TSPAN10: variants seen among roughly 807,000 people sequenced by gnomAD.
The protein encoded by TSPAN10 is tetraspanin-10.
TSPAN10 carries 11 observed loss-of-function variants against 15.0 expected under a neutral mutation model. That is an observed-to-expected ratio of 0.73 (90% confidence interval 0.46 to 1.21). The LOEUF (loss-of-function observed/expected upper bound fraction) is 1.21. Among genes scored for constraint, TSPAN10 ranks in the 50% most tolerant of loss-of-function variants. The pLI is 0.00. For synonymous variants in TSPAN10, 241 were observed against 226.2 expected, an observed-to-expected ratio of 1.07 and a Z score of -0.59; for missense variants, 486 against 470.6, an observed-to-expected ratio of 1.03 and a Z score of -0.30.
At chr17:81,645,514 C>T (rs1436927952) in exon 2 of TSPAN10, 5 of 1,588,880 alleles carry the variant, frequency 3.1e-6, no homozygotes, top group Middle Eastern at 1.7e-4. Flanking sequence ...GCACACCCTG[C>T]GTGTGGCCAT....
upstream of TSPAN10, among the ~76,000 whole-genome samples, chr17:81,641,750 T>C (rs55917554): frequency 0.5 from 76,286 of 151,548 alleles, 21,065 homozygotes; most frequent in East Asian, 0.99. Flanking sequence ...ACCCTGTCTC[T>C]ACAAAAAAAA....
chr17:81,642,422 G>T (rs778206400), exon 1 of TSPAN10: 9 of 1,613,292 alleles, frequency 5.6e-6, no homozygotes, highest in Non-Finnish European at 5.9e-6. Flanking sequence ...GATGGAGGAG[G>T]GGGAGAGGAG....
At chr17:81,647,709 C>T (rs1598712716) in intron 2 of TSPAN10, 192 bp from the exon 4 acceptor site, 1 of 655,884 alleles carries the variant, frequency 1.5e-6, no homozygotes, top group Non-Finnish European at 2.7e-6. Flanking sequence ...CACAGGGATA[C>T]GTTATAGAGA....
downstream of TSPAN10, chr17:81,648,623 G>A (rs191707437): frequency 3.5e-5 from 8 of 228,052 alleles, no homozygotes; most frequent in East Asian, 8.8e-5. Context: ...CCCTGGGGCC[G>A]CCACCCCTTC....
exon 3 of TSPAN10, chr17:81,648,146 C>T (rs2036284594): frequency 2.7e-6 from 4 of 1,503,048 alleles, no homozygotes; most frequent in Non-Finnish European, 1.8e-6. Context: ...CTGCAGGGCG[C>T]GGAGCTCCTG....
At chr17:81,645,336 A>G (rs1465294106) in exon 2 of TSPAN10, 2 of 1,566,256 alleles carry the variant, frequency 1.3e-6, no homozygotes, top group East Asian at 4.5e-5. Context: ...TGGCACTGGG[A>G]GGGCTGGTGG....
intron 1 of TSPAN10, among the ~76,000 whole-genome samples, chr17:81,642,703 T>G (rs2036190592): frequency 6.6e-6 from 1 of 152,174 alleles, no homozygotes; most frequent in African/African-American, 2.4e-5. Flanking sequence ...GGGGCAATCT[T>G]TGGCTCAGGG....
exon 3 of TSPAN10, chr17:81,648,172 C>G: frequency 7.0e-7 from 1 of 1,438,136 alleles, no homozygotes; most frequent in Non-Finnish European, 9.0e-7. Flanking sequence ...CGCCCGGCTA[C>G]TCGGGGCCCT....
chr17:81,637,522 G>C (rs2036120434), upstream of TSPAN10: 1 of 627,388 alleles, frequency 1.6e-6, no homozygotes, highest in South Asian at 1.7e-5. Context: ...TTTCAGGCCG[G>C]GCGCGGTGGC....
chr17:81,641,861 G>A (rs1158484534), upstream of TSPAN10, among the ~76,000 whole-genome samples: 1 of 146,716 alleles, frequency 6.8e-6, no homozygotes, highest in African/African-American at 2.6e-5. Context: ...TGGGCAACAA[G>A]AGCGAAACTC....
At chr17:81,644,388 G>C (rs2037073076) in intron 1 of TSPAN10, among the ~76,000 whole-genome samples, 1 of 54,310 alleles carries the variant, frequency 1.8e-5, no homozygotes, top group Admixed American at 2.5e-4. Context: ...GCAGGGTCCA[G>C]TGCCGTGTCC....
upstream of TSPAN10, chr17:81,637,623 A>C (rs2036122238): frequency 2.0e-6 from 1 of 496,032 alleles, no homozygotes; most frequent in Non-Finnish European, 3.6e-6. Context: ...AAATGGTGAA[A>C]CCCCGTCTCT....
downstream of TSPAN10, chr17:81,648,378 C>G (rs1327530381): frequency 8.7e-7 from 1 of 1,145,346 alleles, no homozygotes; most frequent in African/African-American, 1.6e-5. Context: ...CCTGCGCCGC[C>G]GCCGCCGCCT....
intron 2 of TSPAN10, chr17:81,647,329 T>G: frequency 4.6e-6 from 2 of 437,730 alleles, no homozygotes; most frequent in Non-Finnish European, 9.2e-6. Flanking sequence ...TGGGCCCGTG[T>G]GCAGAGCCCC....
exon 2 of TSPAN10, chr17:81,645,486 G>A (rs574983964): frequency 1.6e-5 from 25 of 1,581,570 alleles, no homozygotes; most frequent in Admixed American, 9.2e-5. Flanking sequence ...TCTGGGGCCC[G>A]CTGCAAGACA....
chr17:81,644,874 CCATCCGG>C (rs2036221689), intron 1 of TSPAN10, 111 bp from the exon 3 acceptor site: 2 of 1,425,494 alleles, frequency 1.4e-6, no homozygotes, highest in Non-Finnish European at 1.9e-6. Context: ...CTGCCCTCCG[CCATCCGG>C]CATCCTCCCA....
chr17:81,638,465 A>AT (rs2036141288), upstream of TSPAN10: 5 of 151,974 alleles, frequency 3.3e-5, no homozygotes, highest in African/African-American at 1.2e-4. Context: ...TGCCTGGCTA[A>AT]TTTTGTATTT....
chr17:81,645,245 T>C (rs1302222742), exon 2 of TSPAN10: 1 of 1,535,922 alleles, frequency 6.5e-7, no homozygotes, highest in Non-Finnish European at 8.7e-7. Context: ...GCCCTGGCCA[T>C]CGGGCTCTGG....
At chr17:81,648,202 G>A (rs1385880559) in exon 3 of TSPAN10, 5 of 1,378,898 alleles carry the variant, frequency 3.6e-6, no homozygotes, top group Admixed American at 3.9e-5. Flanking sequence ...CAGGGGGGCG[G>A]CGTACGGCCC....
Sources: allele counts gnomAD v4.1 joint callset (sites outside exome capture counted in the v4.1 genomes callset), GRCh38; gene constraint gnomAD v4.1.1; transcripts MANE v1.5; gene names NCBI Gene and HGNC (gene_info 2026-07-23, HGNC 2026-07-21).